The following SYNE1 variants were observed in gnomAD, a reference collection of about 807,000 sequenced individuals.
SYNE1 encodes nesprin-1.
Under a neutral mutation model 1,111.0 loss-of-function variants are expected in SYNE1, and 616 were observed. The ratio of observed to expected loss-of-function variants is 0.55; its 90% CI spans 0.52 to 0.59. The LOEUF is 0.59. SYNE1 is among the 20% of genes least tolerant of loss of function. The probability of loss-of-function intolerance (pLI) is 0.00; values close to 1 mark genes in which losing one functional copy is unlikely to be tolerated. For synonymous variants in SYNE1, 3,855 were observed against 3,825.8 expected (o/e 1.01, Z -0.28); for missense variants, 10,006 against 10,417.0 (o/e 0.96, Z 1.72).
At position 152,326,467 on chromosome 6, in the gene SYNE1, G is replaced by A. The variant is rs1563087357; in HGVS notation, c.15122C>T (p.Thr5041Ile). Reference protein sequence around the residue: ...NLKSHMEFFSTEDQFHSNLEE... With the variant: ...NLKSHMEFFSIEDQFHSNLEE... ...CAGGTTACTATGGAACTGATCCTCT[G>A]TACTGAAAAATTCCATGTGGCTTTT... The change falls in exon 79 of 146, where the codon ACA (threonine) becomes ATA (isoleucine). Residue 5041 changes from threonine to isoleucine, a missense_variant. Physicochemically the swap from Thr to Ile is moderately conservative, Grantham distance 89 (BLOSUM62 -1). Around this residue, in one of 7 missense-constraint regions of SYNE1, gnomAD observed 4,955 missense variants for 5,017.2 expected, o/e 0.99. Transcript: ENST00000367255. 1.9e-6 allele frequency: 3 copies of A among 1,614,148 alleles called. No homozygotes were observed. Among genetic ancestry groups the A allele is most frequent in the Non-Finnish European group, 8.5e-7 (1 of 1,180,040 alleles).
rs2098161398 is a variant in SYNE1 at position 152,416,791 on chromosome 6, G to A, written c.5646C>T (p.Gly1882=). Residue 1882 remains glycine (G), a synonymous_variant, in exon 41 of 146, where the codon GGC becomes GGT. Transcript: ENST00000367255. ...CTGTTTGCCTCAGCTGGCGGAGAATGCCGGACAGAGAGGCATGGCTCTGGA... is the reference window on the plus strand; with the variant it reads ...CTGTTTGCCTCAGCTGGCGGAGAATACCGGACAGAGAGGCATGGCTCTGGA... The part of the protein sequence containing the change: ...EFLQSHASLS[G]ILRQLRQTVE... The A allele has an allele frequency of 6.2e-7, 1 of 1,614,202 alleles. No individual in the cohort carries two copies. Among genetic ancestry groups the A allele is most frequent in the Non-Finnish European group, 8.5e-7 (1 of 1,180,044 alleles).
At chr6:152,560,942 G>T (rs910900792) in intron 3 of SYNE1, among the ~76,000 whole-genome samples, 2 of 152,046 alleles carry the variant, frequency 1.3e-5, no homozygotes, top group African/African-American at 4.8e-5. Flanking sequence ...CATAAGAAAA[G>T]CCTACAACTA....
chr6:152,249,986 G>A (rs749692656), intron 104 of SYNE1, among the ~76,000 whole-genome samples: 1 of 152,000 alleles, frequency 6.6e-6, no homozygotes, highest in Non-Finnish European at 1.5e-5. Context: ...AAAAATTTTG[G>A]CCAGGTGCAG....
At chr6:152,349,500 G>A (rs993385397) in intron 72 of SYNE1, among the ~76,000 whole-genome samples, 1 of 152,204 alleles carries the variant, frequency 6.6e-6, no homozygotes, top group Non-Finnish European at 1.5e-5. Flanking sequence ...ACTTTCTGAT[G>A]CCTTTGGCTG....
chr6:152,606,684 G>T (rs2099615687), intron 3 of SYNE1, among the ~76,000 whole-genome samples: 1 of 152,152 alleles, frequency 6.6e-6, no homozygotes. Context: ...GCCTGGCTCT[G>T]TCGCCCAGGC....
At chr6:152,502,567 A>G in intron 10 of SYNE1, 66 bp downstream of exon 10, 3 of 1,224,010 alleles carry the variant, frequency 2.5e-6, no homozygotes, top group Admixed American at 1.7e-5. Context: ...TGAGAACAGT[A>G]TACTCAAAAA....
At chr6:152,254,834 A>C in intron 104 of SYNE1, 46 bp downstream of exon 104, 1 of 1,545,370 alleles carries the variant, frequency 6.5e-7, no homozygotes, top group Non-Finnish European at 8.9e-7. Context: ...ACTATTACTG[A>C]ATACCTAGAG....
intron 6 of SYNE1, among the ~76,000 whole-genome samples, chr6:152,512,918 A>T (rs1435482278): frequency 6.6e-6 from 1 of 152,200 alleles, no homozygotes; most frequent in Non-Finnish European, 1.5e-5. Flanking sequence ...CAGAAGGAAG[A>T]TGGGACCATA....
In SYNE1 at chr6:152,239,746, A is replaced by G. The variant is rs531446809; in HGVS notation, c.19894-40T>C. The G allele has an allele frequency of 1.5e-4, 242 of 1,612,154 alleles. 2 individuals are homozygous for G. The South Asian group carries it at 2.6e-3, about 17-fold the overall frequency. On this transcript the variant is annotated intron_variant, in intron 107 of 145. Coordinates refer to ENST00000367255, the MANE Select transcript of SYNE1 (RefSeq NM_182961.4). ...GAAGAAAGAAGTCAGCAACTCATTC[A>G]TATATTATGTTAGAATCAAAATTGG...
chr6:152,201,447 T>A (rs2075408687), intron 127 of SYNE1, among the ~76,000 whole-genome samples: 1 of 151,810 alleles, frequency 6.6e-6, no homozygotes, highest in Admixed American at 6.6e-5. Context: ...AGGGCCACTG[T>A]CTGCAGATTT....
At chr6:152,134,874 G>T in intron 142 of SYNE1, 1 of 529,426 alleles carries the variant, frequency 1.9e-6, no homozygotes, top group East Asian at 3.5e-5. Flanking sequence ...TTTTACAACT[G>T]AGCAACAACT....
chr6:152,429,086 GTAATAATAA>G lies in SYNE1; in HGVS notation c.4789-703_4789-695del, dbSNP rs3046242. On this transcript the variant is annotated intron_variant, in intron 36 of 145. Transcript: ENST00000367255. ...GAAGAAGCTACTGTCTATCTCAATA[GTAATAATAA>G]TAATAATAATAATAATAATAATAAT... is the stretch of plus-strand genomic sequence containing the variant. Among the ~76,000 whole-genome samples the G allele has an allele frequency of 2.6e-4, 37 of 144,688 alleles. 1 individual carries two copies. Among genetic ancestry groups the G allele is most frequent in the South Asian group, 1.5e-3 (7 of 4,564 alleles). The allele number at this position is 144,688 out of a possible 152,430, so 94.9% of individuals were successfully genotyped here.
intron 22 of SYNE1, chr6:152,456,902 G>A: frequency 7.9e-6 from 2 of 251,818 alleles, no homozygotes; most frequent in Non-Finnish European, 1.6e-5. Context: ...TTTGTTTTGG[G>A]AAAAACAGAA....
intron 3 of SYNE1, among the ~76,000 whole-genome samples, chr6:152,553,491 G>A (rs2099354760): frequency 6.6e-6 from 1 of 152,048 alleles, no homozygotes; most frequent in Non-Finnish European, 1.5e-5. Context: ...GGTCAATAGA[G>A]CACCTCCAAG....
intron 49 of SYNE1, among the ~76,000 whole-genome samples, chr6:152,397,680 A>G (rs930913275): frequency 3.3e-5 from 5 of 152,098 alleles, no homozygotes; most frequent in African/African-American, 1.2e-4. Context: ...AGGCCACAAA[A>G]TCCTCATGGT....
At chr6:152,557,804 A>C (rs896342683) in intron 3 of SYNE1, among the ~76,000 whole-genome samples, 2 of 152,204 alleles carry the variant, frequency 1.3e-5, no homozygotes, top group African/African-American at 4.8e-5. Flanking sequence ...ACTACCTTAC[A>C]AAAAATTAAT....
At chr6:152,451,920 C>A (rs1033328816) in intron 25 of SYNE1, among the ~76,000 whole-genome samples, 2 of 151,732 alleles carry the variant, frequency 1.3e-5, no homozygotes, top group East Asian at 3.9e-4. Flanking sequence ...TGTCAATGAC[C>A]TTGTGAGGTA....
chr6:152,609,299 C>T (rs868266814), intron 3 of SYNE1, among the ~76,000 whole-genome samples: 2 of 152,070 alleles, frequency 1.3e-5, no homozygotes, highest in African/African-American at 2.4e-5. Context: ...GTCTTAGCAA[C>T]CAGAAGACAA....
rs1233778749 is a variant in SYNE1, at chr6:152,455,523, A to G, written c.2795T>C (p.Phe932Ser). 5 of 1,613,994 alleles carry G rather than the reference A, an allele frequency of 3.1e-6. No individual in the cohort carries two copies. Among genetic ancestry groups the G allele is most frequent in the African/African-American group, 2.7e-5 (2 of 74,894 alleles). Residue 932 changes from phenylalanine (F) to serine (S), a missense_variant, in exon 24 of 146, where the codon TTT becomes TCT. Phe to Ser is a radical substitution (Grantham distance 155). Coordinates refer to ENST00000367255, the MANE Select transcript of SYNE1 (RefSeq NM_182961.4). ...CTCCAACTCTGCTCGAGACTCCTCA[A>G]ACTTCTTCATCAAGCGACTGTTGGT... ...VETNSRLMKKFEESRAELEKV... is the reference protein window; with the variant it reads ...VETNSRLMKKSEESRAELEKV...
Sources: gnomAD v4.1 joint callset for allele counts (sites outside exome capture counted in the v4.1 genomes callset) on GRCh38, gnomAD v4.1.1 for gene constraint, gnomAD v4.1.1 regional missense constraint, MANE v1.5 for transcripts, NCBI Gene and HGNC (gene_info 2026-07-23, HGNC 2026-07-21) for gene names.